The following SH3BGRL2 variants were observed in gnomAD, a reference collection of about 807,000 sequenced individuals.
SH3BGRL2 encodes the protein SH3 domain binding glutamate rich protein like 2, also known as SH3 domain-binding glutamic acid-rich-like protein 2.
SH3BGRL2 carries 21 observed loss-of-function variants against 14.8 expected under a neutral mutation model. The ratio of observed to expected loss-of-function variants is 1.42; its 90% CI spans 1.01 to 2.05. The LOEUF (loss-of-function observed/expected upper bound fraction) is 2.05, where lower values mean the gene tolerates loss of function less well. Among genes scored for constraint, SH3BGRL2 ranks in the 30% most tolerant of loss-of-function variants. The pLI is 0.00. For missense variants in SH3BGRL2, 147 were observed against 130.8 expected, an observed-to-expected ratio of 1.12 and a Z score of -0.61; for synonymous variants, 50 against 47.8, an observed-to-expected ratio of 1.05 and a Z score of -0.19.
At chr6:79,601,210 C>T in the SH3BGRL2 span, among the ~76,000 whole-genome samples, 3 of 152,186 alleles carry the variant, frequency 2.0e-5, no homozygotes, top group Admixed American at 6.5e-5. Flanking sequence ...TTTTTTGAAA[C>T]TGAGTCTTAT....
chr6:79,696,379 A>G (rs974815184), intron 2 of SH3BGRL2, 106 bp from the exon 3 acceptor site: 16 of 778,042 alleles, frequency 2.1e-5, no homozygotes, highest in Non-Finnish European at 3.0e-5. Flanking sequence ...ATCTGGACAG[A>G]GCAATGGTAC....
the SH3BGRL2 span, among the ~76,000 whole-genome samples, chr6:79,568,885 A>G: frequency 6.6e-6 from 1 of 152,154 alleles, no homozygotes; most frequent in Non-Finnish European, 1.5e-5. Context: ...TGAAATAATT[A>G]AAAATGAATT....
chr6:79,660,111 C>T (rs1040509622), intron 1 of SH3BGRL2, among the ~76,000 whole-genome samples: 3 of 152,160 alleles, frequency 2.0e-5, no homozygotes, highest in African/African-American at 7.2e-5. Flanking sequence ...TTCCTCTTTT[C>T]CTAATTGAAT....
chr6:79,673,734 G>C lies in SH3BGRL2; in HGVS notation c.166G>C (p.Glu56Gln), dbSNP rs1023893793. 6.2e-7 allele frequency: 1 copy of C among 1,613,956 alleles called. No individual in the cohort carries two copies. The highest frequency in any genetic ancestry group is 1.3e-5 in the African/African-American group (1 of 74,884). Residue 56 changes from glutamate to glutamine, a missense_variant, in exon 2 of 4, where the codon GAA becomes CAA. Glu to Gln is a conservative substitution (Grantham distance 29, BLOSUM62 2). Transcript: ENST00000369838. ...ATGGATGTACAAAAACGTCCCCCCG[G>C]AAAAGAAACCCACTCAGGGCAACCC... Reference protein sequence around the residue: ...RQWMYKNVPPEKKPTQGNPLP... With the variant: ...RQWMYKNVPPQKKPTQGNPLP...
intron 1 of SH3BGRL2, among the ~76,000 whole-genome samples, chr6:79,657,970 A>T (rs1320743535): frequency 6.6e-6 from 1 of 152,150 alleles, no homozygotes; most frequent in South Asian, 2.1e-4. Context: ...ATTTGTTAGT[A>T]GTGGATTAGA....
the SH3BGRL2 span, among the ~76,000 whole-genome samples, chr6:79,558,100 G>A: frequency 6.6e-6 from 1 of 152,208 alleles, no homozygotes; most frequent in Non-Finnish European, 1.5e-5. Context: ...TGCTGTGACA[G>A]TCAAATGAGT....
chr6:79,581,605 A>G, the SH3BGRL2 span, among the ~76,000 whole-genome samples: 1 of 152,098 alleles, frequency 6.6e-6, no homozygotes, highest in Non-Finnish European at 1.5e-5. Flanking sequence ...CATGCTGAAA[A>G]CTCTCAATAA....
chr6:79,563,854 A>G, the SH3BGRL2 span, among the ~76,000 whole-genome samples: 4 of 152,248 alleles, frequency 2.6e-5, no homozygotes, highest in Non-Finnish European at 4.4e-5. Context: ...AGCAAAAATT[A>G]ACTAATAAAA....
chr6:79,541,829 A>G, the SH3BGRL2 span, among the ~76,000 whole-genome samples: 1 of 152,270 alleles, frequency 6.6e-6, no homozygotes, highest in African/African-American at 2.4e-5. Flanking sequence ...TAATAATTTT[A>G]TTCAAATAGG....
the SH3BGRL2 span, among the ~76,000 whole-genome samples, chr6:79,571,135 A>G: frequency 6.6e-6 from 1 of 152,216 alleles, no homozygotes. Flanking sequence ...TTGTTCTGTA[A>G]TCAAGAATGA....
intron 1 of SH3BGRL2, among the ~76,000 whole-genome samples, chr6:79,636,972 G>A (rs544812417): frequency 6.6e-6 from 1 of 152,096 alleles, no homozygotes; most frequent in African/African-American, 2.4e-5. Flanking sequence ...TATCTTTTGG[G>A]TGAGACATAA....
chr6:79,582,972 G>A, the SH3BGRL2 span, among the ~76,000 whole-genome samples: 1,588 of 152,244 alleles, frequency 0.01, 32 homozygotes, highest in African/African-American at 0.037. Context: ...AGTGGGCAAA[G>A]GATATGAACA....
chr6:79,558,283 ACAGAAGGTC>A, the SH3BGRL2 span, among the ~76,000 whole-genome samples: 1 of 152,166 alleles, frequency 6.6e-6, no homozygotes, highest in Admixed American at 6.5e-5. Flanking sequence ...TCATATATAC[ACAGAAGGTC>A]CAGAAGGTCC....
intron 2 of SH3BGRL2, among the ~76,000 whole-genome samples, chr6:79,691,312 T>A (rs1014267459): frequency 6.6e-6 from 1 of 151,964 alleles, no homozygotes; most frequent in Non-Finnish European, 1.5e-5. Context: ...ATCAAATCTG[T>A]TTTTTTGTTT....
chr6:79,581,266 G>C, the SH3BGRL2 span, among the ~76,000 whole-genome samples: 1 of 152,110 alleles, frequency 6.6e-6, no homozygotes, highest in Non-Finnish European at 1.5e-5. Context: ...AGAAAAAGAA[G>C]GAACCCTCCC....
At chr6:79,664,539 T>C (rs187015958) in intron 1 of SH3BGRL2, among the ~76,000 whole-genome samples, 13 of 152,300 alleles carry the variant, frequency 8.5e-5, no homozygotes, top group African/African-American at 2.6e-4. Flanking sequence ...ACTGGCCCAA[T>C]TGAGGTTCAG....
At chr6:79,539,755 G>C in the SH3BGRL2 span, among the ~76,000 whole-genome samples, 1 of 152,098 alleles carries the variant, frequency 6.6e-6, no homozygotes, top group Admixed American at 6.5e-5. Flanking sequence ...AAAAGTAATA[G>C]GTAGATAAAT....
chr6:79,581,989 T>G, the SH3BGRL2 span, among the ~76,000 whole-genome samples: 1 of 151,984 alleles, frequency 6.6e-6, no homozygotes, highest in African/African-American at 2.4e-5. Flanking sequence ...TATACACCAT[T>G]AACAGACAAA....
chr6:79,556,913 A>G, the SH3BGRL2 span, among the ~76,000 whole-genome samples: 7 of 152,026 alleles, frequency 4.6e-5, no homozygotes, highest in African/African-American at 1.7e-4. Context: ...ATAATGGAAT[A>G]TGGGAATTTT....
Sources: gnomAD v4.1 joint callset for allele counts (sites outside exome capture counted in the v4.1 genomes callset) on GRCh38, gnomAD v4.1.1 for gene constraint, MANE v1.5 for transcripts, NCBI Gene and HGNC (gene_info 2026-07-23, HGNC 2026-07-21) for gene names.